The following MANBA variants were observed in gnomAD, a reference collection of about 807,000 sequenced individuals.
MANBA encodes mannosidase beta.
Under a neutral mutation model 111.1 loss-of-function variants are expected in MANBA, and 83 were observed. The observed-to-expected ratio is 0.75, with a 90% CI of 0.63 to 0.90. The LOEUF (loss-of-function observed/expected upper bound fraction) is 0.90, where lower values mean the gene tolerates loss of function less well. Ranked by LOEUF, MANBA falls within the 40% of genes least tolerant of loss-of-function variation. The pLI is 0.00. For missense variants in MANBA, 1,036 were observed against 1,069.0 expected (o/e 0.97, Z 0.43); for synonymous variants, 370 against 378.7 (o/e 0.98, Z 0.27).
At chr4:102,695,498 A>T (rs936539102) in intron 5 of MANBA, among the ~76,000 whole-genome samples, 3 of 152,174 alleles carry the variant, frequency 2.0e-5, no homozygotes, top group Non-Finnish European at 4.4e-5. Flanking sequence ...TTCAAGAAAA[A>T]CTGGGTTGTT....
At chr4:102,730,426 A>T (rs928158882) in intron 1 of MANBA, 3 of 478,102 alleles carry the variant, frequency 6.3e-6, no homozygotes, top group Non-Finnish European at 1.2e-5. Context: ...AGGGTTCAGG[A>T]ATGCAGCTGC....
At position 102,650,537 on chromosome 4, in the gene MANBA, CTGAGTAAGGTAGATGGT is replaced by C; in HGVS notation, c.1852_1868del (p.Thr618GlyfsTer12). Reference sequence around the variant, plus strand: ...CAATTCTAGAATGAAAACAACTTACCTGAGTAAGGTAGATGGTATCTTTAAATGTGCGTAATGGATCT... The same window carrying C: ...CAATTCTAGAATGAAAACAACTTACCATCTTTAAATGTGCGTAATGGATCT... On this transcript the variant is annotated frameshift_variant and splice_region_variant, in exon 13 of 17. Transcript: ENST00000647097. LOFTEE classifies it high-confidence loss of function. The C allele has an allele frequency of 6.2e-7, 1 of 1,610,930 alleles. No individual in the cohort carries two copies. Among genetic ancestry groups the C allele is most frequent in the South Asian group, 1.1e-5 (1 of 91,016 alleles).
At chr4:102,635,733 T>C in intron 15 of MANBA, 132 bp downstream of exon 15, 4 of 904,368 alleles carry the variant, frequency 4.4e-6, no homozygotes, top group Non-Finnish European at 6.9e-6. Context: ...AATGGCAGGG[T>C]TGTAGCCTGA....
intron 5 of MANBA, among the ~76,000 whole-genome samples, chr4:102,695,506 G>A (rs1732666683): frequency 6.6e-6 from 1 of 152,158 alleles, no homozygotes; most frequent in South Asian, 2.1e-4. Flanking sequence ...AAACTGGGTT[G>A]TTCCATACTT....
At chr4:102,726,306 A>C (rs1374054628) in intron 2 of MANBA, among the ~76,000 whole-genome samples, 1 of 152,208 alleles carries the variant, frequency 6.6e-6, no homozygotes, top group Non-Finnish European at 1.5e-5. Context: ...GGTTAGCACT[A>C]CATAGGGCAT....
At chr4:102,633,462 C>T (rs1048518836) in intron 16 of MANBA, 3 of 398,602 alleles carry the variant, frequency 7.5e-6, no homozygotes, top group Non-Finnish European at 1.3e-5. Flanking sequence ...GCCTGGGATT[C>T]AAGCTTGCAC....
At chr4:102,716,887 A>G (rs1722358445) in intron 4 of MANBA, among the ~76,000 whole-genome samples, 1 of 152,200 alleles carries the variant, frequency 6.6e-6, no homozygotes, top group Non-Finnish European at 1.5e-5. Context: ...CACCTAAGAT[A>G]GAGACAAATT....
intron 2 of MANBA, 107 bp from the exon 3 acceptor site, chr4:102,724,074 A>G (rs1401185481): frequency 7.2e-6 from 5 of 699,038 alleles, no homozygotes; most frequent in African/African-American, 1.8e-5. Context: ...CACAAAAAAT[A>G]TATGTTCTTA....
At chr4:102,683,793 A>G (rs1457050213) in intron 7 of MANBA, among the ~76,000 whole-genome samples, 2 of 152,230 alleles carry the variant, frequency 1.3e-5, no homozygotes, top group Non-Finnish European at 2.9e-5. Context: ...GGCAGAATTT[A>G]TGATATCCCA....
Position 102,643,267 on chromosome 4 carries a change from T to C in MANBA, c.1870-3410A>G, listed in dbSNP as rs143796032. On this transcript the variant is annotated intron_variant, in intron 13 of 16. Transcript: ENST00000647097. The stretch of plus-strand genomic sequence containing the variant: ...TATTTCTGAATAATATTTTATTGTA[T>C]GGAGATGCTACATTTTGCTTGTCTA... Among the ~76,000 whole-genome samples the C allele has an allele frequency of 2.0e-5, 3 of 152,348 alleles. No individual in the cohort carries two copies. The East Asian group carries it at 5.8e-4, about 29-fold the overall frequency.
intron 5 of MANBA, among the ~76,000 whole-genome samples, chr4:102,697,061 T>C (rs1056278363): frequency 7.2e-5 from 11 of 152,198 alleles, no homozygotes; most frequent in Admixed American, 7.2e-4. Flanking sequence ...TCCTTGAAAC[T>C]GAAATCAAGG....
At chr4:102,723,371 C>T (rs986755340) in intron 3 of MANBA, among the ~76,000 whole-genome samples, 10 of 152,126 alleles carry the variant, frequency 6.6e-5, no homozygotes, top group Admixed American at 5.9e-4. Context: ...TTATATGTGG[C>T]CTTGAACTGC....
At chr4:102,657,518 A>C (rs890895149) in intron 12 of MANBA, among the ~76,000 whole-genome samples, 164 bp downstream of exon 12, 2 of 152,206 alleles carry the variant, frequency 1.3e-5, no homozygotes, top group Non-Finnish European at 2.9e-5. Context: ...AATATAGAAA[A>C]GTAATCCCCA....
chr4:102,722,367 A>G (rs1430861626), intron 4 of MANBA: 1 of 168,506 alleles, frequency 5.9e-6, no homozygotes, highest in East Asian at 1.7e-4. Flanking sequence ...TCATGTAGTA[A>G]AATAGATCCA....
chr4:102,671,713 A>C (rs951967922), intron 8 of MANBA, among the ~76,000 whole-genome samples: 1 of 152,200 alleles, frequency 6.6e-6, no homozygotes, highest in Non-Finnish European at 1.5e-5. Flanking sequence ...GAAAGTATGC[A>C]CTAATTTTAT....
chr4:102,703,163 C>T (rs1733140396), intron 5 of MANBA, among the ~76,000 whole-genome samples: 2 of 152,196 alleles, frequency 1.3e-5, no homozygotes, highest in Admixed American at 1.3e-4. Context: ...CAGGGTCTTG[C>T]TTTGTCACCC....
At chr4:102,719,684 T>C (rs1578935273) in intron 4 of MANBA, among the ~76,000 whole-genome samples, 1 of 152,232 alleles carries the variant, frequency 6.6e-6, no homozygotes, top group East Asian at 1.9e-4. Flanking sequence ...ACATGCAAAG[T>C]GCATTTACAT....
At chr4:102,698,118 G>A (rs1732819866) in intron 5 of MANBA, among the ~76,000 whole-genome samples, 1 of 151,710 alleles carries the variant, frequency 6.6e-6, no homozygotes, top group Non-Finnish European at 1.5e-5. Flanking sequence ...GTGATGATGA[G>A]CATTTTTTCA....
chr4:102,650,396 T>C, intron 13 of MANBA, 141 bp downstream of exon 13: 1 of 864,074 alleles, frequency 1.2e-6, no homozygotes, highest in East Asian at 2.5e-5. Flanking sequence ...TGTCATCATA[T>C]ATGTTCTTTG....
Sources: gnomAD v4.1 joint callset for allele counts (sites outside exome capture counted in the v4.1 genomes callset) on GRCh38, gnomAD v4.1.1 for gene constraint, MANE v1.5 for transcripts, NCBI Gene and HGNC (gene_info 2026-07-23, HGNC 2026-07-21) for gene names.